Variants in SPATS2 observed in about 807,000 individuals in gnomAD.
SPATS2 encodes spermatogenesis-associated serine-rich protein 2.
Under a neutral mutation model 63.7 loss-of-function variants are expected in SPATS2, and 38 were observed. That is an observed-to-expected ratio of 0.60 (90% CI 0.46 to 0.78). The LOEUF (loss-of-function observed/expected upper bound fraction) is 0.78, where lower values mean the gene tolerates loss of function less well. Ranked by LOEUF, SPATS2 falls within the 30% of genes least tolerant of loss-of-function variation. The pLI, the probability that SPATS2 is intolerant of heterozygous loss-of-function variation, is 0.00. For missense variants in SPATS2, 588 were observed against 666.2 expected (o/e 0.88, Z 1.29); for synonymous variants, 207 against 232.9 (o/e 0.89, Z 1.01).
chr12:49,512,428 T>C lies in SPATS2; in HGVS notation c.840-2127T>C, dbSNP rs138595012. On this transcript the variant is annotated intron_variant, in intron 9 of 13. Transcript: ENST00000552918. ...GGGTACATGGTAGCTGGATATATTA[T>C]AAGCTAGTTTTTTTTTAATGGAGGG... Among the ~76,000 whole-genome samples the C allele has an allele frequency of 1.4e-3, 213 of 152,330 alleles. 1 individual carries two copies. Among genetic ancestry groups the C allele is most frequent in the African/African-American group, 4.7e-3 (196 of 41,578 alleles).
chr12:49,417,608 G>A (rs886987977), intron 2 of SPATS2, among the ~76,000 whole-genome samples: 3 of 152,110 alleles, frequency 2.0e-5, no homozygotes, highest in Non-Finnish European at 1.5e-5. Flanking sequence ...GTTTTGTGTT[G>A]TTTCCATTTT....
chr12:49,373,389 T>A (rs1042312186), intron 2 of SPATS2, among the ~76,000 whole-genome samples: 2 of 152,236 alleles, frequency 1.3e-5, no homozygotes, highest in Non-Finnish European at 2.9e-5. Context: ...GGGGGCCTTA[T>A]AGGAGACTTT....
chr12:49,522,842 C>T lies in SPATS2; in HGVS notation c.1100C>T (p.Ser367Leu), dbSNP rs1416332215. 3.3e-5 allele frequency: 54 copies of T among 1,612,924 alleles called. No individual in the cohort carries two copies. Among genetic ancestry groups the T allele is most frequent in the African/African-American group, 4.0e-5 (3 of 74,888 alleles). Residue 367 changes from serine (S) to leucine (L), a missense_variant, in exon 12 of 14, where the codon TCA (serine) becomes TTA (leucine). Physicochemically the swap from Ser to Leu is moderately radical, Grantham distance 145. Transcript: ENST00000552918. ...GAGACCCTAAAGAAGAGCATTGATTCATTTGGACAAGGTGAGATGGTGAGA... is the reference window on the plus strand; with the variant it reads ...GAGACCCTAAAGAAGAGCATTGATTTATTTGGACAAGGTGAGATGGTGAGA... ...DVETLKKSID[S>L]FGQVSHPKNS...
intron 2 of SPATS2, chr12:49,389,805 T>G (rs1232905671): frequency 9.4e-7 from 1 of 1,059,718 alleles, no homozygotes; most frequent in East Asian, 2.4e-5. Context: ...TCAGTCGGCC[T>G]TGGAACTTAC....
chr12:49,509,273 CTTTTTTTTTTTT>C (rs1186617900), intron 9 of SPATS2, among the ~76,000 whole-genome samples: 1 of 77,804 alleles, frequency 1.3e-5, no homozygotes, highest in Non-Finnish European at 2.3e-5. Flanking sequence ...GTTCTAACTT[CTTTTTTTTTTTT>C]TTTTTTTTTT....
chr12:49,519,298 C>T (rs1469851441), intron 11 of SPATS2, 116 bp downstream of exon 11: 2 of 776,038 alleles, frequency 2.6e-6, no homozygotes, highest in Non-Finnish European at 3.9e-6. Context: ...CTTTCCCAAA[C>T]CTGGCCCTCT....
chr12:49,523,038 G>T (rs563919673), intron 12 of SPATS2, among the ~76,000 whole-genome samples, 185 bp downstream of exon 12: 1 of 152,258 alleles, frequency 6.6e-6, no homozygotes, highest in Admixed American at 6.5e-5. Context: ...ACAAGTATTT[G>T]CCAGCTCCCT....
chr12:49,427,768 A>T lies in SPATS2; in HGVS notation c.-243-33002A>T, dbSNP rs79596049. ...AGAAATTTATTACCTAAATTTTCAAATGTATTGGCATAAGGTCATCTATAT... is the reference window on the plus strand; with the variant it reads ...AGAAATTTATTACCTAAATTTTCAATTGTATTGGCATAAGGTCATCTATAT... On this transcript the variant is annotated intron_variant, in intron 2 of 13. Transcript: ENST00000552918. Among the ~76,000 whole-genome samples the T allele has an allele frequency of 7.8e-3, 1,189 of 152,220 alleles. 9 individuals carry two copies. Among genetic ancestry groups the T allele is most frequent in the Non-Finnish European group, 0.013 (858 of 68,018 alleles).
intron 2 of SPATS2, among the ~76,000 whole-genome samples, chr12:49,429,786 CTTTTTTT>C: frequency 7.9e-6 from 1 of 126,550 alleles, no homozygotes; most frequent in East Asian, 2.3e-4. Flanking sequence ...TCTTCTTCTT[CTTTTTTT>C]TTTTTTTTTG....
chr12:49,498,145 A>AAAATATAT (rs66900382), intron 8 of SPATS2, among the ~76,000 whole-genome samples: 1,146 of 98,850 alleles, frequency 0.012, 19 homozygotes, highest in African/African-American at 0.025. Flanking sequence ...AAAAAAAAAA[A>AAAATATAT]ATATATATAT....
chr12:49,407,579 A>G (rs888726530), intron 2 of SPATS2, among the ~76,000 whole-genome samples: 9 of 152,166 alleles, frequency 5.9e-5, no homozygotes, highest in Admixed American at 1.3e-4. Flanking sequence ...TGCAGGTAGC[A>G]TGGCTTTTCC....
At chr12:49,421,023 G>A (rs909974446) in intron 2 of SPATS2, among the ~76,000 whole-genome samples, 4 of 152,132 alleles carry the variant, frequency 2.6e-5, no homozygotes, top group Non-Finnish European at 5.9e-5. Context: ...AAAAAAGAAT[G>A]CTTGAAATTA....
chr12:49,501,014 C>T lies in SPATS2; in HGVS notation c.839+809C>T, dbSNP rs912537693. ...TCACCCAGGCTGGAATGCTATGGCA[C>T]GATCACATCTCACTGTAGCCTCAGC... On this transcript the variant is annotated intron_variant, in intron 9 of 13. Coordinates refer to ENST00000552918, the MANE Select transcript of SPATS2 (RefSeq NM_023071.4). Among the ~76,000 whole-genome samples the T allele has an allele frequency of 1.5e-4, 23 of 152,154 alleles. No individual in the cohort carries two copies. In the East Asian group the frequency reaches 4.1e-3, roughly 27 times the overall value.
intron 2 of SPATS2, among the ~76,000 whole-genome samples, chr12:49,415,614 A>G (rs542004001): frequency 1.1e-4 from 17 of 152,316 alleles, no homozygotes; most frequent in African/African-American, 4.1e-4. Context: ...ACATTACTGC[A>G]GATGACAGCT....
At chr12:49,392,963 A>T (rs992477117) in intron 2 of SPATS2, among the ~76,000 whole-genome samples, 3 of 152,044 alleles carry the variant, frequency 2.0e-5, no homozygotes, top group Non-Finnish European at 4.4e-5. Context: ...GAGGCAGGAG[A>T]ATTGCTTGAA....
intron 3 of SPATS2, among the ~76,000 whole-genome samples, chr12:49,461,450 T>C (rs1279660374): frequency 4.6e-5 from 7 of 152,176 alleles, no homozygotes; most frequent in Non-Finnish European, 8.8e-5. Flanking sequence ...TAGCTTCTTA[T>C]CTAAAGTGAA....
At chr12:49,476,689 T>C (rs1162848537) in intron 3 of SPATS2, among the ~76,000 whole-genome samples, 5 of 152,192 alleles carry the variant, frequency 3.3e-5, no homozygotes, top group Non-Finnish European at 7.4e-5. Flanking sequence ...CTGCATGCCC[T>C]GTGAGGGGGA....
chr12:49,419,084 G>T (rs1169391765), intron 2 of SPATS2, among the ~76,000 whole-genome samples: 1 of 152,154 alleles, frequency 6.6e-6, no homozygotes, highest in African/African-American at 2.4e-5. Context: ...GTTCCTGAGT[G>T]GTTTGGAGGG....
At chr12:49,499,282 G>A (rs1235851105) in intron 8 of SPATS2, among the ~76,000 whole-genome samples, 1 of 152,172 alleles carries the variant, frequency 6.6e-6, no homozygotes, top group Non-Finnish European at 1.5e-5. Context: ...TGCTGAGGCA[G>A]TATCCTTCCA....
Sources: gnomAD v4.1 joint callset for allele counts (sites outside exome capture counted in the v4.1 genomes callset) on GRCh38, gnomAD v4.1.1 for gene constraint, MANE v1.5 for transcripts, NCBI Gene and HGNC (gene_info 2026-07-23, HGNC 2026-07-21) for gene names.